The following ABCA10 variants were observed in gnomAD, a reference collection of about 807,000 sequenced individuals.
The protein encoded by ABCA10 is ATP-binding cassette sub-family A member 10.
Under a neutral mutation model 187.5 loss-of-function variants are expected in ABCA10, and 169 were observed. The observed-to-expected ratio is 0.90, with a 90% CI of 0.80 to 1.02. ABCA10 has a LOEUF of 1.02. ABCA10 is among the 50% of genes least tolerant of loss of function. The pLI, the probability that ABCA10 is intolerant of heterozygous loss-of-function variation, is 0.00. For synonymous variants in ABCA10, 574 were observed against 601.8 expected (o/e 0.95, Z 0.68); for missense variants, 1,727 against 1,812.4 (o/e 0.95, Z 0.86).
At position 69,183,520 on chromosome 17, in the gene ABCA10, G is replaced by C. The variant is rs868543891; in HGVS notation, c.2498-712C>G. ...GGCGGCTTGCAGCTGCAGGCTCCAT[G>C]AGACAGCTGAAAAACTGAGTGCCCT... On this transcript the variant is annotated intron_variant, in intron 20 of 38. Transcript: ENST00000690296. Among the ~76,000 whole-genome samples the C allele has an allele frequency of 3.9e-5, 6 of 152,256 alleles. No homozygotes were observed. In the Middle Eastern group the frequency reaches 0.017, roughly 432 times the overall value.
At chr17:69,177,971 AAAAT>A (rs1323284637) in intron 22 of ABCA10, among the ~76,000 whole-genome samples, 79 of 56,964 alleles carry the variant, frequency 1.4e-3, no homozygotes, top group African/African-American at 3.7e-3. Context: ...AAAAAAAAAA[AAAAT>A]ATATATATAT....
At position 69,165,035 on chromosome 17, in the gene ABCA10, G is replaced by A. The variant is rs769901471; in HGVS notation, c.3211C>T (p.Leu1071Phe). Reference sequence around the variant, plus strand: ...AAAATCATGCACAAAATTAAGTTGAGTTTTTCATATTGAGTTGATACCATA... The same window carrying A: ...AAAATCATGCACAAAATTAAGTTGAATTTTTCATATTGAGTTGATACCATA... ...TIMVSTQYEK[L>F]NLILCMIFIP... is the part of the protein sequence containing the mutation. Residue 1071 changes from leucine (L) to phenylalanine (F), a missense_variant, in exon 26 of 39, where the codon CTC becomes TTC. Leu to Phe is a conservative substitution (Grantham distance 22). Coordinates refer to ENST00000690296, the MANE Select transcript of ABCA10 (RefSeq NM_001377321.1). 6.2e-7 allele frequency: 1 copy of A among 1,603,284 alleles called. No individual in the cohort carries two copies. The highest frequency in any genetic ancestry group is 1.7e-5 in the Admixed American group (1 of 59,922).
At chr17:69,216,927 A>C (rs1179299581) in intron 6 of ABCA10, among the ~76,000 whole-genome samples, 1 of 152,174 alleles carries the variant, frequency 6.6e-6, no homozygotes, top group East Asian at 1.9e-4. Flanking sequence ...AGTGCTATTA[A>C]GAAATGTGAA....
In ABCA10 at chr17:69,197,086, A is replaced by C. The variant is rs757367672; in HGVS notation, c.1212T>G (p.Thr404=). 1 of 1,595,348 alleles carries C rather than the reference A, an allele frequency of 6.3e-7. No homozygotes were observed. The highest frequency in any genetic ancestry group is 8.6e-7 in the Non-Finnish European group (1 of 1,167,374). The change falls in exon 11 of 39, where the codon ACT becomes ACG. Residue 404 remains threonine (T), a synonymous_variant. Coordinates refer to ENST00000690296, the MANE Select transcript of ABCA10 (RefSeq NM_001377321.1). ...RNVIKEYNGK[T]GKVEALQGIF... ...TACCTTGCAATGCTTCTACTTTTCC[A>C]GTCTTTCCATTATATTCTTTTATAA...
intron 5 of ABCA10, 88 bp downstream of exon 5, chr17:69,221,704 G>C: frequency 8.5e-7 from 1 of 1,181,240 alleles, no homozygotes; most frequent in Non-Finnish European, 1.2e-6. Context: ...CCTCCTAAGA[G>C]TGTAAGAGTA....
At chr17:69,226,804 C>T (rs887832268) in intron 2 of ABCA10, among the ~76,000 whole-genome samples, 13 of 151,772 alleles carry the variant, frequency 8.6e-5, no homozygotes, top group African/African-American at 2.9e-4. Context: ...CCTGGCTGTC[C>T]CTGCCCCCAA....
At chr17:69,176,270 C>T (rs1386501133) in intron 22 of ABCA10, among the ~76,000 whole-genome samples, 2 of 152,086 alleles carry the variant, frequency 1.3e-5, no homozygotes, top group Admixed American at 6.6e-5. Flanking sequence ...TGCCTAACTA[C>T]GTGCAAGATA....
chr17:69,222,637 T>C lies in ABCA10; in HGVS notation c.95A>G (p.Tyr32Cys). 6.2e-7 allele frequency: 1 copy of C among 1,601,442 alleles called. No individual in the cohort carries two copies. The highest frequency in any genetic ancestry group is 1.1e-5 in the South Asian group (1 of 87,810). The stretch of plus-strand genomic sequence containing the variant: ...AAATATAACTCCCACCATTTCATGG[T>C]ATTTTTTTGGAAGTTCTATATCCAT... Reference protein sequence around the residue: ...ETMDIELPKKYHEMVGVIFSD... With the variant: ...ETMDIELPKKCHEMVGVIFSD... The change falls in exon 4 of 39, where the codon TAC (tyrosine) becomes TGC (cysteine). Residue 32 changes from tyrosine to cysteine, a missense_variant. Transcript: ENST00000690296.
At chr17:69,226,297 C>T (rs2074792612) in intron 2 of ABCA10, among the ~76,000 whole-genome samples, 1 of 152,052 alleles carries the variant, frequency 6.6e-6, no homozygotes, top group South Asian at 2.1e-4. Flanking sequence ...AATATTTTCA[C>T]ATTTCTGGAT....
intron 9 of ABCA10, among the ~76,000 whole-genome samples, chr17:69,203,506 A>G (rs2074564138): frequency 6.6e-6 from 1 of 152,132 alleles, no homozygotes; most frequent in African/African-American, 2.4e-5. Context: ...CAACTTCTAC[A>G]TAATTAACCA....
At chr17:69,233,576 T>C (rs1223890613), upstream of ABCA10, 1 of 152,240 alleles carries the variant, frequency 6.6e-6, no homozygotes, top group African/African-American at 2.4e-5. Context: ...TGCCTCATTT[T>C]GTCCAGTTGG....
intron 34 of ABCA10, among the ~76,000 whole-genome samples, chr17:69,152,861 G>GA (rs2074141054): frequency 6.6e-6 from 1 of 151,858 alleles, no homozygotes; most frequent in African/African-American, 2.4e-5. Flanking sequence ...TTGCCATAGA[G>GA]AAAAAGAATA....
At chr17:69,213,021 A>C (rs2074672092) in intron 9 of ABCA10, among the ~76,000 whole-genome samples, 1 of 152,208 alleles carries the variant, frequency 6.6e-6, no homozygotes, top group South Asian at 2.1e-4. Flanking sequence ...TTATGCTAGC[A>C]GTGAAGTTGC....
chr17:69,229,698 C>A (rs550798712), upstream of ABCA10, among the ~76,000 whole-genome samples: 30 of 151,740 alleles, frequency 2.0e-4, no homozygotes, highest in African/African-American at 6.8e-4. Flanking sequence ...ATGTCACTAA[C>A]AACAAAGGAA....
At chr17:69,230,154 CT>C (rs2074821639), upstream of ABCA10, among the ~76,000 whole-genome samples, 1 of 152,060 alleles carries the variant, frequency 6.6e-6, no homozygotes, top group Non-Finnish European at 1.5e-5. Flanking sequence ...CATGCACATG[CT>C]TCCACCTTTC....
rs139520502 is a variant in ABCA10 at position 69,187,798 on chromosome 17, G to T, written c.2213C>A (p.Ser738Tyr). The T allele has an allele frequency of 1.0e-4, 163 of 1,613,868 alleles. No individual in the cohort carries two copies. In the African/African-American group the frequency reaches 1.7e-3, roughly 17 times the overall value. ...GACAGCCTTTCTTGTTTCAGGAAGAGAACAAAGAACCTGTTCCATTTCAGA... is the reference window on the plus strand; with the variant it reads ...GACAGCCTTTCTTGTTTCAGGAAGATAACAAAGAACCTGTTCCATTTCAGA... ...DESEMEQVLC[S>Y]LPETRKAVSS... The change falls in exon 19 of 39, where the codon TCT becomes TAT. Residue 738 changes from serine to tyrosine, a missense_variant. By Grantham distance (144) the Ser-to-Tyr change is moderately radical (BLOSUM62 -2). Transcript: ENST00000690296.
chr17:69,205,203 G>C (rs1598114136), intron 9 of ABCA10, among the ~76,000 whole-genome samples: 1 of 152,118 alleles, frequency 6.6e-6, no homozygotes, highest in East Asian at 1.9e-4. Flanking sequence ...TTAATCAAAT[G>C]TAAGGACTTT....
chr17:69,192,970 CA>C, intron 15 of ABCA10, 139 bp downstream of exon 15: 2 of 1,218,042 alleles, frequency 1.6e-6, no homozygotes, highest in Non-Finnish European at 2.2e-6. Flanking sequence ...CTGTTGTAGC[CA>C]ATGGCATGTG....
intron 12 of ABCA10, 69 bp from the exon 13 acceptor site, chr17:69,194,058 A>G: frequency 7.1e-7 from 1 of 1,400,620 alleles, no homozygotes; most frequent in Non-Finnish European, 9.6e-7. Flanking sequence ...AATATATGTT[A>G]GTATTTAGAT....
Sources: gnomAD v4.1 joint callset for allele counts (sites outside exome capture counted in the v4.1 genomes callset) on GRCh38, gnomAD v4.1.1 for gene constraint, MANE v1.5 for transcripts, NCBI Gene and HGNC (gene_info 2026-07-23, HGNC 2026-07-21) for gene names.